The following RMDN2 variants were observed in gnomAD, a reference collection of about 807,000 sequenced individuals.
RMDN2 encodes the protein regulator of microtubule dynamics 2, also known as regulator of microtubule dynamics protein 2.
In RMDN2, 61 loss-of-function variants were observed where a neutral mutation model predicts 52.8. That is an observed-to-expected ratio of 1.16 (90% CI 0.94 to 1.43). RMDN2 has a LOEUF of 1.43. Among genes scored for constraint, RMDN2 ranks in the 40% most tolerant of loss-of-function variants. RMDN2 has a pLI of 0.00. For synonymous variants in RMDN2, 180 were observed against 153.1 expected (o/e 1.18, Z -1.30); for missense variants, 592 against 475.3 (o/e 1.25, Z -2.28).
intron 2 of RMDN2, among the ~76,000 whole-genome samples, chr2:37,950,770 A>G (rs1000682603): frequency 7.2e-5 from 11 of 152,182 alleles, no homozygotes; most frequent in African/African-American, 2.7e-4. Flanking sequence ...TTAATATTTT[A>G]AAATACAATT....
chr2:38,034,829 A>C (rs59501228), intron 10 of RMDN2, among the ~76,000 whole-genome samples: 1 of 150,914 alleles, frequency 6.6e-6, no homozygotes, highest in Non-Finnish European at 1.5e-5. Flanking sequence ...TTTAAAATTT[A>C]ATAAGTAGAA....
intron 10 of RMDN2, among the ~76,000 whole-genome samples, chr2:38,014,920 T>G: frequency 6.6e-6 from 1 of 152,170 alleles, no homozygotes; most frequent in East Asian, 1.9e-4. Flanking sequence ...GCACAGAGAT[T>G]TATGAGAAAA....
rs759270952 is a variant in RMDN2, at chr2:37,952,183, T to C, written c.453-21857T>C. On this transcript the variant is annotated intron_variant, in intron 2 of 10. Transcript: ENST00000354545. ...CAAGATGAAGACAGATCTTCACCTA[T>C]TGAAATTCCTAAAATAAGGTCACCT... 1.9e-6 allele frequency: 3 copies of C among 1,613,150 alleles called. No individual in the cohort carries two copies. The Admixed American group carries it at 5.0e-5, about 27-fold the overall frequency.
intron 10 of RMDN2, among the ~76,000 whole-genome samples, chr2:38,040,830 A>G (rs573555589): frequency 7.2e-5 from 11 of 152,284 alleles, no homozygotes; most frequent in African/African-American, 2.6e-4. Context: ...CTTAAACACT[A>G]TTGAGTCTTT....
At chr2:38,046,918 G>A (rs1405322205) in intron 10 of RMDN2, among the ~76,000 whole-genome samples, 1 of 151,974 alleles carries the variant, frequency 6.6e-6, no homozygotes, top group Non-Finnish European at 1.5e-5. Flanking sequence ...AGGAGGCGGA[G>A]GTTGCAGAGA....
At chr2:38,030,050 C>G (rs941936755) in intron 10 of RMDN2, 1 of 152,120 alleles carries the variant, frequency 6.6e-6, no homozygotes, top group African/African-American at 2.4e-5. Flanking sequence ...ATTCAGTTAC[C>G]TCCCACCAGG....
chr2:38,058,715 G>A (rs1681933577), intron 10 of RMDN2, among the ~76,000 whole-genome samples: 1 of 152,134 alleles, frequency 6.6e-6, no homozygotes, highest in Non-Finnish European at 1.5e-5. Flanking sequence ...GTTATGGGCA[G>A]TTTTCTGTTT....
chr2:38,061,736 G>T lies in RMDN2; in HGVS notation c.1714-5246G>T, dbSNP rs532618059. Among the ~76,000 whole-genome samples, 3 of 152,206 alleles carry T rather than the reference G, an allele frequency of 2.0e-5. No individual in the cohort carries two copies. In the South Asian group the frequency reaches 6.2e-4, roughly 32 times the overall value. ...CCCACTAGAATATCAGCTCCATGAG[G>T]TCAGGGCCTGGGTGCCTTGTTCATT... is the stretch of plus-strand genomic sequence containing the variant. On this transcript the variant is annotated intron_variant, in intron 10 of 10. Coordinates refer to the RMDN2 transcript ENST00000234195.
At chr2:37,994,992 AAGGAGATTGAC>A (rs1675316481) in intron 7 of RMDN2, among the ~76,000 whole-genome samples, 1 of 152,160 alleles carries the variant, frequency 6.6e-6, no homozygotes, top group African/African-American at 2.4e-5. Context: ...GGAGCAGGTT[AAGGAGATTGAC>A]AGCAAAGGGG....
intron 2 of RMDN2, chr2:37,950,560 A>G (rs1558458026): frequency 6.2e-7 from 1 of 1,613,190 alleles, no homozygotes; most frequent in African/African-American, 1.3e-5. Context: ...GGAGAGACTT[A>G]CTTTGGATTA....
chr2:37,964,065 G>A (rs534741286), intron 2 of RMDN2, among the ~76,000 whole-genome samples: 1 of 151,984 alleles, frequency 6.6e-6, no homozygotes, highest in South Asian at 2.1e-4. Flanking sequence ...GGACGTGGCG[G>A]CTGCCGGGCG....
intron 2 of RMDN2, among the ~76,000 whole-genome samples, chr2:37,948,751 C>G (rs543961382): frequency 6.6e-6 from 1 of 152,240 alleles, no homozygotes; most frequent in East Asian, 1.9e-4. Context: ...GATCTTCTTC[C>G]TCATCCCCCA....
intron 1 of RMDN2, among the ~76,000 whole-genome samples, chr2:37,926,632 A>G (rs2124877273): frequency 6.6e-6 from 1 of 152,336 alleles, no homozygotes; most frequent in Admixed American, 6.5e-5. Context: ...TACTATTAAC[A>G]TAATTAGAAG....
At chr2:37,932,106 G>C (rs113393897) in intron 2 of RMDN2, among the ~76,000 whole-genome samples, 1 of 151,326 alleles carries the variant, frequency 6.6e-6, no homozygotes, top group African/African-American at 2.4e-5. Context: ...GGTGTTTCTC[G>C]CAGAGGGGGA....
intron 10 of RMDN2, among the ~76,000 whole-genome samples, chr2:38,032,215 C>A (rs906860127): frequency 6.6e-6 from 1 of 152,096 alleles, no homozygotes; most frequent in African/African-American, 2.4e-5. Flanking sequence ...GCATGACCAT[C>A]GCTCCAAAAA....
intron 10 of RMDN2, among the ~76,000 whole-genome samples, chr2:38,009,818 GT>G (rs1171117376): frequency 6.6e-6 from 1 of 152,100 alleles, no homozygotes; most frequent in Non-Finnish European, 1.5e-5. Context: ...TTTCTGCTCT[GT>G]TTTTTCCCCA....
In RMDN2 at chr2:38,017,488, A is replaced by G. The variant is rs1226676950; in HGVS notation, c.*249A>G. On this transcript the variant is annotated 3_prime_UTR_variant, in exon 11 of 11. Transcript: ENST00000354545. The stretch of plus-strand genomic sequence containing the variant: ...TGTATGCTTTATATTTTTCTTATCA[A>G]TAAACTGCAGCCTTAAGAATATTTC... 3.7e-5 allele frequency: 40 copies of G among 1,094,400 alleles called. No homozygotes were observed. Among genetic ancestry groups the G allele is most frequent in the Admixed American group, 1.7e-4 (5 of 28,710 alleles). 67.8% of individuals were successfully genotyped at this position (1,094,400 alleles called of 1,614,324 possible).
At chr2:38,034,144 T>G (rs929531564) in intron 10 of RMDN2, among the ~76,000 whole-genome samples, 2 of 152,172 alleles carry the variant, frequency 1.3e-5, no homozygotes, top group African/African-American at 4.8e-5. Flanking sequence ...AGGCAGTGGG[T>G]CTTTAGGAGG....
At chr2:37,988,596 T>G (rs142021968) in intron 5 of RMDN2, among the ~76,000 whole-genome samples, 1 of 152,322 alleles carries the variant, frequency 6.6e-6, no homozygotes, top group East Asian at 1.9e-4. Context: ...TTTTTTGTAC[T>G]TGGAAGTTAT....
Sources: gnomAD v4.1 joint callset for allele counts (sites outside exome capture counted in the v4.1 genomes callset) on GRCh38, gnomAD v4.1.1 for gene constraint, MANE v1.5 for transcripts, NCBI Gene and HGNC (gene_info 2026-07-23, HGNC 2026-07-21) for gene names.